The following MX2 variants were observed in gnomAD, a reference collection of about 807,000 sequenced individuals.
MX2 encodes the protein MX dynamin like GTPase 2.
Under a neutral mutation model 74.0 loss-of-function variants are expected in MX2, and 51 were observed. The ratio of observed to expected loss-of-function variants is 0.69; its 90% CI spans 0.55 to 0.87. MX2 has a LOEUF of 0.87. Among genes scored for constraint, MX2 ranks in the 40% least tolerant of loss-of-function variants. The pLI is 0.00. For missense variants in MX2, 832 were observed against 908.7 expected (o/e 0.92, Z 1.09); for synonymous variants, 369 against 339.3 (o/e 1.09, Z -0.96).
At chr21:41,389,794 A>G (rs145695813) in intron 5 of MX2, 3 of 152,272 alleles carry the variant, frequency 2.0e-5, no homozygotes, top group African/African-American at 4.8e-5. Context: ...TCTGAGCACA[A>G]CTATATGTAA....
intron 1 of MX2, chr21:41,372,865 T>C (rs1046669458): frequency 1.3e-5 from 2 of 152,258 alleles, no homozygotes; most frequent in Admixed American, 6.5e-5. Context: ...ATAGAACATT[T>C]TGATGGGTGC....
At chr21:41,404,879 A>C (rs2089864150) in intron 12 of MX2, 1 of 150,238 alleles carries the variant, frequency 6.7e-6, no homozygotes, top group African/African-American at 2.4e-5. Flanking sequence ...TACTCAAAAA[A>C]AAAAAAAAAA....
rs923814681 is a variant in MX2, at chr21:41,403,755, T to TC, written c.1650+417dup. ...CTGTGGGTTTCTACTTAGCAACTCT[T>TC]CCCCCGAGTTACCTTCAGCAAAGGC... On this transcript the variant is annotated intron_variant, in intron 12 of 13. Transcript: ENST00000330714. The TC allele has an allele frequency of 3.0e-4, 129 of 430,814 alleles. No individual in the cohort carries two copies. In the Middle Eastern group the frequency reaches 7.5e-3, roughly 25 times the overall value. 26.7% of individuals were successfully genotyped at this position (430,814 alleles called of 1,614,324 possible). A position where few individuals can be genotyped will look rare whatever the true frequency, so the allele number is the denominator to read the frequency against.
chr21:41,369,083 A>G (rs1270144575), intron 1 of MX2, among the ~76,000 whole-genome samples: 1 of 152,242 alleles, frequency 6.6e-6, no homozygotes, highest in Non-Finnish European at 1.5e-5. Context: ...ATCCCATAAA[A>G]TTGCTGCCTA....
chr21:41,403,365 G>C (rs760348153), intron 12 of MX2, 22 bp downstream of exon 12: 1 of 1,580,532 alleles, frequency 6.3e-7, no homozygotes, highest in Admixed American at 1.7e-5. Flanking sequence ...GAGTTCACTT[G>C]CTAGTCACCT....
At chr21:41,376,564 A>G (rs1029359521) in intron 1 of MX2, among the ~76,000 whole-genome samples, 3 of 151,922 alleles carry the variant, frequency 2.0e-5, no homozygotes, top group African/African-American at 4.8e-5. Flanking sequence ...AACAACAACA[A>G]CTACAAGTAG....
chr21:41,380,492 C>G lies in MX2; in HGVS notation c.577+341C>G, dbSNP rs2089475102. Reference sequence around the variant, plus strand: ...GCCCTCTCTTCCTTCCAGGTTTCTCCCCTTCACCTGCCCAATCCCTACTCG... The same window carrying G: ...GCCCTCTCTTCCTTCCAGGTTTCTCGCCTTCACCTGCCCAATCCCTACTCG... On this transcript the variant is annotated intron_variant, in intron 4 of 13. Coordinates refer to ENST00000330714, the MANE Select transcript of MX2 (RefSeq NM_002463.2). The surrounding 1 kb of genome is among the most constrained non-coding windows in gnomAD (Gnocchi z 4.3). Among the ~76,000 whole-genome samples the G allele has an allele frequency of 6.6e-6, 1 of 152,170 alleles. No homozygotes were observed. Among genetic ancestry groups the G allele is most frequent in the Admixed American group, 6.5e-5 (1 of 15,280 alleles).
chr21:41,397,488 A>G lies in MX2; in HGVS notation c.1071-125A>G, dbSNP rs557619129. 4.1e-5 allele frequency: 31 copies of G among 752,850 alleles called. No homozygotes were observed. In the South Asian group the frequency reaches 5.3e-4, roughly 13 times the overall value. 46.6% of individuals were successfully genotyped at this position (752,850 alleles called of 1,614,324 possible). On this transcript the variant is annotated intron_variant, in intron 7 of 13. Coordinates refer to ENST00000330714, the MANE Select transcript of MX2 (RefSeq NM_002463.2). The stretch of plus-strand genomic sequence containing the variant: ...GTGGCAAGTGTCTTTCTTATGCACC[A>G]CTTGGCTTTTCTGATGGCACGTGTT...
chr21:41,407,025 T>C (rs2089896034), intron 13 of MX2, 27 bp downstream of exon 13: 4 of 1,601,258 alleles, frequency 2.5e-6, no homozygotes, highest in Non-Finnish European at 3.4e-6. Flanking sequence ...GCAGGAGCCG[T>C]GCTCTCTGAA....
At chr21:41,397,242 A>G (rs1165553581) in intron 7 of MX2, among the ~76,000 whole-genome samples, 1 of 152,216 alleles carries the variant, frequency 6.6e-6, no homozygotes. Context: ...TAAATGTGTT[A>G]ATATTTATAA....
intron 1 of MX2, among the ~76,000 whole-genome samples, chr21:41,371,934 G>A (rs1005400568): frequency 6.6e-6 from 1 of 152,114 alleles, no homozygotes; most frequent in Non-Finnish European, 1.5e-5. Context: ...AGAGATGGAG[G>A]GTTTTTTATA....
At chr21:41,407,100 AC>A in intron 13 of MX2, 102 bp downstream of exon 13, 1 of 1,254,986 alleles carries the variant, frequency 8.0e-7, no homozygotes, top group Admixed American at 2.5e-5. Flanking sequence ...GGAGGGAGGG[AC>A]CACTACAATG....
intron 12 of MX2, among the ~76,000 whole-genome samples, chr21:41,405,645 A>C (rs1212757311): frequency 6.6e-6 from 1 of 150,820 alleles, no homozygotes; most frequent in African/African-American, 2.4e-5. Flanking sequence ...ACAAATGTTC[A>C]GTCCATGGCA....
chr21:41,394,371 C>T (rs1377254527), intron 6 of MX2, among the ~76,000 whole-genome samples: 2 of 152,142 alleles, frequency 1.3e-5, no homozygotes, highest in Non-Finnish European at 2.9e-5. Context: ...TTCTCCCTCC[C>T]CACTAGGCTG....
chr21:41,377,671 C>G, intron 2 of MX2, 118 bp from the exon 3 acceptor site: 1 of 1,082,646 alleles, frequency 9.2e-7, no homozygotes, highest in Non-Finnish European at 1.3e-6. Context: ...TCCACCTTCT[C>G]ACCTCCTGTC....
chr21:41,402,165 C>G lies in MX2; in HGVS notation c.1573+37C>G, dbSNP rs1294041660. On this transcript the variant is annotated intron_variant, in intron 11 of 13. Coordinates refer to ENST00000330714, the MANE Select transcript of MX2 (RefSeq NM_002463.2). This position sits in a 1 kb window ranked among gnomAD's most constrained non-coding sequence, Gnocchi z 4.5. ...CAAGCAGGACTCCCAAACCATCACT[C>G]TCATACCTTCCATAGACCCCAGTGC... is the stretch of plus-strand genomic sequence containing the variant. 1 of 1,590,216 alleles carries G rather than the reference C, an allele frequency of 6.3e-7. No homozygotes were observed. Among genetic ancestry groups the G allele is most frequent in the East Asian group, 2.2e-5 (1 of 44,652 alleles).
intron 5 of MX2, among the ~76,000 whole-genome samples, chr21:41,382,972 A>G (rs1160553480): frequency 2.6e-5 from 4 of 152,244 alleles, no homozygotes; most frequent in African/African-American, 9.6e-5. Flanking sequence ...TGGTCTGGGC[A>G]GGAGAGGCAC....
chr21:41,367,156 G>A (rs2089272882), intron 1 of MX2: 1 of 152,156 alleles, frequency 6.6e-6, no homozygotes, highest in Admixed American at 6.5e-5. Context: ...GAACAAGAGG[G>A]AGCTCCTGGA....
intron 1 of MX2, among the ~76,000 whole-genome samples, chr21:41,372,020 G>A (rs1239813102): frequency 6.6e-6 from 1 of 152,192 alleles, no homozygotes; most frequent in Non-Finnish European, 1.5e-5. Context: ...ACAGTGAAGT[G>A]TCTGTGTTAG....
Sources: gnomAD v4.1 joint callset for allele counts (sites outside exome capture counted in the v4.1 genomes callset) on GRCh38, gnomAD v4.1.1 for gene constraint, Gnocchi (gnomAD v3.1) non-coding constraint, MANE v1.5 for transcripts, NCBI Gene and HGNC (gene_info 2026-07-23, HGNC 2026-07-21) for gene names.